Variants in H4C16 observed in about 807,000 individuals in gnomAD.
H4C16 encodes the protein H4 histone 16, also known as histone H4.
chr12:14,771,046 C>G, the H4C16 span: 1 of 1,611,154 alleles, frequency 6.2e-7, no homozygotes, highest in South Asian at 1.1e-5. Context: ...TGGCGCCTCC[C>G]TTACCCAGCC....
the H4C16 span, chr12:14,770,906 T>G: frequency 6.2e-7 from 1 of 1,614,192 alleles, no homozygotes; most frequent in Non-Finnish European, 8.5e-7. Flanking sequence ...CAGGAAGACT[T>G]TGAGGACTCC....
At chr12:14,770,890 G>A in the H4C16 span, 4 of 1,614,216 alleles carry the variant, frequency 2.5e-6, no homozygotes, top group Admixed American at 3.3e-5. Flanking sequence ...CACGGATCAC[G>A]TTCTCCAGGA....
chr12:14,770,962 A>C, the H4C16 span: 1 of 1,614,180 alleles, frequency 6.2e-7, no homozygotes, highest in Non-Finnish European at 8.5e-7. Context: ...TGACGCCCCC[A>C]CGTCGGGCGA....
At chr12:14,770,867 T>C in the H4C16 span, 1 of 1,614,194 alleles carries the variant, frequency 6.2e-7, no homozygotes, top group South Asian at 1.1e-5. Context: ...GTGCTCCGTG[T>C]AAGTCACCGC....
the H4C16 span, chr12:14,771,093 C>T: frequency 6.3e-7 from 1 of 1,581,590 alleles, no homozygotes; most frequent in Non-Finnish European, 8.6e-7. Context: ...ATTCTGAAAT[C>T]ACAGCGCCTA....
the H4C16 span, chr12:14,770,823 C>G: frequency 6.2e-7 from 1 of 1,614,172 alleles, no homozygotes; most frequent in Non-Finnish European, 8.5e-7. Flanking sequence ...AGCGCGTACA[C>G]CACATCCATG....
the H4C16 span, chr12:14,771,129 T>G: frequency 6.5e-7 from 1 of 1,536,068 alleles, no homozygotes; most frequent in Non-Finnish European, 8.8e-7. Flanking sequence ...GGCTGCCCAC[T>G]GTGATTGCCA....
the H4C16 span, chr12:14,770,770 A>G: frequency 2.1e-4 from 334 of 1,605,862 alleles, 3 homozygotes; most frequent in South Asian, 2.4e-3. Flanking sequence ...CTGTGGGGAC[A>G]GCTCAACCGC....
chr12:14,771,102 T>C, the H4C16 span: 30 of 1,568,954 alleles, frequency 1.9e-5, no homozygotes, highest in Non-Finnish European at 2.4e-5. Context: ...TCACAGCGCC[T>C]ACTCAGCAGA....
chr12:14,771,051 C>G, the H4C16 span: 5 of 1,608,754 alleles, frequency 3.1e-6, no homozygotes, highest in African/African-American at 4.0e-5. Context: ...CCTCCCTTAC[C>G]CAGCCCCTTG....
At chr12:14,770,749 C>G in the H4C16 span, 1 of 1,584,404 alleles carries the variant, frequency 6.3e-7, no homozygotes, top group East Asian at 2.2e-5. Context: ...CTTTTGGAGT[C>G]TGTAGAGAAG....
At chr12:14,770,968 G>A in the H4C16 span, 3 of 1,614,088 alleles carry the variant, frequency 1.9e-6, no homozygotes, top group Non-Finnish European at 2.5e-6. Context: ...CCCCACGTCG[G>A]GCGAGACGGC....
chr12:14,770,999 C>T, the H4C16 span: 1 of 1,614,124 alleles, frequency 6.2e-7, no homozygotes, highest in Non-Finnish European at 8.5e-7. Context: ...CTTTGTAATG[C>T]CTTGGATATT....
the H4C16 span, chr12:14,771,067 T>A: frequency 2.1e-5 from 33 of 1,601,380 alleles, no homozygotes; most frequent in Non-Finnish European, 2.5e-5. Context: ...CCTTGCCACC[T>A]TTACCTCGCC....
the H4C16 span, chr12:14,771,037 G>A: frequency 3.1e-6 from 5 of 1,613,144 alleles, no homozygotes; most frequent in South Asian, 5.5e-5. Context: ...GGTGGCGCTT[G>A]GCGCCTCCCT....
At chr12:14,771,083 A>T in the H4C16 span, 3 of 1,587,592 alleles carry the variant, frequency 1.9e-6, no homozygotes, top group Non-Finnish European at 2.6e-6. Context: ...TCGCCCAGAC[A>T]TTCTGAAATC....
At chr12:14,770,923 C>A in the H4C16 span, 1 of 1,614,118 alleles carries the variant, frequency 6.2e-7, no homozygotes, top group South Asian at 1.1e-5. Context: ...CTCCCCGGGT[C>A]TCCTCGTAGA....
the H4C16 span, chr12:14,771,083 A>G: frequency 7.6e-6 from 12 of 1,587,474 alleles, no homozygotes; most frequent in Middle Eastern, 1.7e-4. Flanking sequence ...TCGCCCAGAC[A>G]TTCTGAAATC....
the H4C16 span, chr12:14,770,872 C>T: frequency 6.2e-7 from 1 of 1,614,228 alleles, no homozygotes; most frequent in Non-Finnish European, 8.5e-7. Flanking sequence ...CCGTGTAAGT[C>T]ACCGCGTCAC....
Sources: gnomAD v4.1 joint callset for allele counts on GRCh38, gnomAD v4.1.1 for gene constraint, MANE v1.5 for transcripts, NCBI Gene and HGNC (gene_info 2026-07-23, HGNC 2026-07-21) for gene names.